ABCC11: variants seen among roughly 807,000 people sequenced by gnomAD.
ABCC11 encodes the protein ATP binding cassette subfamily C member 11.
Under a neutral mutation model 149.3 loss-of-function variants are expected in ABCC11, and 135 were observed. The ratio of observed to expected loss-of-function variants is 0.90; its 90% confidence interval spans 0.79 to 1.04. The LOEUF (loss-of-function observed/expected upper bound fraction) is 1.04, where lower values mean the gene tolerates loss of function less well. Among genes scored for constraint, ABCC11 ranks in the 50% least tolerant of loss-of-function variants. ABCC11 has a pLI of 0.00. For missense variants in ABCC11, 1,680 were observed against 1,722.1 expected (o/e 0.98, Z 0.43); for synonymous variants, 665 against 671.4 (o/e 0.99, Z 0.15).
intron 20 of ABCC11, among the ~76,000 whole-genome samples, chr16:48,190,317 G>C (rs1421208148): frequency 6.6e-6 from 1 of 152,056 alleles, no homozygotes; most frequent in Non-Finnish European, 1.5e-5. Flanking sequence ...AAGTGAGAGA[G>C]AGGAATGACA....
chr16:48,191,186 C>G (rs149341782), intron 20 of ABCC11, among the ~76,000 whole-genome samples: 1 of 152,110 alleles, frequency 6.6e-6, no homozygotes, highest in Non-Finnish European at 1.5e-5. Flanking sequence ...TAATAATGTA[C>G]CAATATTGAC....
Position 48,167,168 on chromosome 16 carries a change from A to C in ABCC11, c.*106T>G. 6.6e-6 allele frequency: 3 copies of C among 456,442 alleles called. No individual in the cohort carries two copies. Among genetic ancestry groups the C allele is most frequent in the East Asian group, 5.3e-5 (1 of 18,848 alleles). The allele number at this position is 456,442 out of a possible 1,614,324, so 28.3% of individuals were successfully genotyped here. On this transcript the variant is annotated 3_prime_UTR_variant, in exon 30 of 30. Coordinates refer to ENST00000356608, the MANE Select transcript of ABCC11 (RefSeq NM_001370497.1). ...CTACATTTACCCCTGCTTCCAGGAGAAGTTCTCATCTCCAAACAAGAAGGT... is the reference window on the plus strand; with the variant it reads ...CTACATTTACCCCTGCTTCCAGGAGCAGTTCTCATCTCCAAACAAGAAGGT...
Position 48,167,186 on chromosome 16 carries a change from A to C in ABCC11, c.*88T>G. On this transcript the variant is annotated 3_prime_UTR_variant, in exon 30 of 30. Transcript: ENST00000356608. ...CCAGGAGAAGTTCTCATCTCCAAAC[A>C]AGAAGGTCGCAGACTGTGGGCCTCG... The C allele has an allele frequency of 1.5e-6, 1 of 661,406 alleles. No homozygotes were observed. The highest frequency in any genetic ancestry group is 2.9e-6 in the Non-Finnish European group (1 of 350,266). 41.0% of individuals were successfully genotyped at this position (661,406 alleles called of 1,614,324 possible).
intron 14 of ABCC11, among the ~76,000 whole-genome samples, chr16:48,202,300 A>G (rs1168012260): frequency 6.6e-6 from 1 of 152,208 alleles, no homozygotes; most frequent in Non-Finnish European, 1.5e-5. Context: ...TCAAGGATTT[A>G]TAGTCCCAGC....
At chr16:48,169,607 T>C (rs1358235456) in intron 28 of ABCC11, among the ~76,000 whole-genome samples, 2 of 151,998 alleles carry the variant, frequency 1.3e-5, no homozygotes, top group Admixed American at 1.3e-4. Flanking sequence ...TGAGTTCATG[T>C]CCTTTGTAGG....
At chr16:48,187,612 T>C (rs1966826063) in intron 20 of ABCC11, among the ~76,000 whole-genome samples, 185 bp from the exon 21 acceptor site, 1 of 152,180 alleles carries the variant, frequency 6.6e-6, no homozygotes, top group Non-Finnish European at 1.5e-5. Context: ...CTCCACCTAC[T>C]GCTGTCTGAC....
At chr16:48,204,202 T>C (rs1419696520) in intron 13 of ABCC11, among the ~76,000 whole-genome samples, 1 of 152,194 alleles carries the variant, frequency 6.6e-6, no homozygotes, top group East Asian at 1.9e-4. Flanking sequence ...TTTTAACAGA[T>C]ATTGCAAAAT....
chr16:48,231,350 G>C (rs796443531), intron 2 of ABCC11, among the ~76,000 whole-genome samples: 36 of 152,178 alleles, frequency 2.4e-4, no homozygotes, highest in African/African-American at 8.4e-4. Context: ...TCTCATTGTG[G>C]AAGCCTGAGG....
chr16:48,216,078 G>A (rs1293254105), intron 7 of ABCC11, 36 bp downstream of exon 7: 1 of 1,601,686 alleles, frequency 6.2e-7, no homozygotes, highest in Non-Finnish European at 8.5e-7. Context: ...GACTTCTGGG[G>A]CCCAGCATCA....
chr16:48,197,146 G>A (rs1967498835), intron 17 of ABCC11, among the ~76,000 whole-genome samples: 1 of 152,154 alleles, frequency 6.6e-6, no homozygotes, highest in Admixed American at 6.5e-5. Context: ...GCAACATGGT[G>A]AAACCCAGTC....
intron 22 of ABCC11, 78 bp from the exon 23 acceptor site, chr16:48,184,704 G>T: frequency 7.0e-7 from 1 of 1,423,812 alleles, no homozygotes; most frequent in Non-Finnish European, 9.6e-7. Context: ...GATACCGGCT[G>T]CTTCCTCCAG....
rs149486194 is a variant in ABCC11 at position 48,231,873 on chromosome 16, C to T, written c.49G>A (p.Val17Met). The change falls in exon 2 of 30, where the codon GTG (valine) becomes ATG (methionine). Residue 17 changes from valine (V) to methionine (M), a missense_variant. Coordinates refer to ENST00000356608, the MANE Select transcript of ABCC11 (RefSeq NM_001370497.1). ...YWVPNSSGGLVNRGIDIGDDM... is the reference protein window; with the variant it reads ...YWVPNSSGGLMNRGIDIGDDM... Reference sequence around the variant, plus strand: ...TCGCCTATGTCGATGCCACGATTCACGAGGCCACCAGAAGAGTTGGGCACC... The same window carrying T: ...TCGCCTATGTCGATGCCACGATTCATGAGGCCACCAGAAGAGTTGGGCACC... The T allele has an allele frequency of 2.5e-5, 41 of 1,614,178 alleles. No homozygotes were observed. The highest frequency in any genetic ancestry group is 2.2e-4 in the East Asian group (10 of 44,872).
At chr16:48,178,559 G>T in intron 24 of ABCC11, 38 bp downstream of exon 24, 10 of 1,600,100 alleles carry the variant, frequency 6.2e-6, no homozygotes, top group African/African-American at 1.3e-5. Context: ...GCCCCAACTT[G>T]CATGGCTCCC....
chr16:48,244,452 G>C, intron 1 of ABCC11: 1 of 1,595,378 alleles, frequency 6.3e-7, no homozygotes, highest in Non-Finnish European at 8.5e-7. Context: ...CCACGAGGGC[G>C]TCCTGCTGCC....
intron 11 of ABCC11, chr16:48,210,160 G>A (rs913378696): frequency 6.6e-6 from 1 of 152,136 alleles, no homozygotes; most frequent in Non-Finnish European, 1.5e-5. Context: ...TGGGGAACTC[G>A]TCAAAGGGGG....
Position 48,201,022 on chromosome 16 carries a change from A to T in ABCC11, c.1879-543T>A, listed in dbSNP as rs144310680. On this transcript the variant is annotated intron_variant, in intron 14 of 29. Coordinates refer to ENST00000356608, the MANE Select transcript of ABCC11 (RefSeq NM_001370497.1). ...GTACAAATATTATGCATCAATAAAAATATTTTTCAAAACGTGGTTAGTAGG... is the reference window on the plus strand; with the variant it reads ...GTACAAATATTATGCATCAATAAAATTATTTTTCAAAACGTGGTTAGTAGG... Among the ~76,000 whole-genome samples the T allele has an allele frequency of 9.4e-3, 1,436 of 152,328 alleles. 14 individuals are homozygous for T. Among genetic ancestry groups the T allele is most frequent in the Middle Eastern group, 0.027 (8 of 294 alleles).
intron 11 of ABCC11, 66 bp from the exon 12 acceptor site, chr16:48,208,562 G>A: frequency 6.4e-7 from 1 of 1,572,932 alleles, no homozygotes; most frequent in South Asian, 1.1e-5. Context: ...CCTGCCCATG[G>A]CGGCTCAACT....
chr16:48,207,689 G>A (rs1968561157), intron 12 of ABCC11, among the ~76,000 whole-genome samples: 1 of 151,790 alleles, frequency 6.6e-6, no homozygotes, highest in South Asian at 2.1e-4. Context: ...GGAAGGGAAG[G>A]GAAGGAAAGG....
Position 48,197,998 on chromosome 16 carries a change from G to A in ABCC11, c.2287C>T (p.Leu763=). The part of the protein sequence containing the change: ...KVESQALATS[L]EESLNGNAVP... ...GCATTTCCGTTGAGAGACTCTTCCA[G>A]GGAGGTGGCCAGAGCCTGACTTTCT... The change falls in exon 17 of 30, where the codon CTG becomes TTG. Residue 763 remains leucine (L), a synonymous_variant. Transcript: ENST00000356608. 1 of 1,614,170 alleles carries A rather than the reference G, an allele frequency of 6.2e-7. No homozygotes were observed. The highest frequency in any genetic ancestry group is 8.5e-7 in the Non-Finnish European group (1 of 1,180,040).
Sources: allele counts gnomAD v4.1 joint callset (sites outside exome capture counted in the v4.1 genomes callset), GRCh38; gene constraint gnomAD v4.1.1; transcripts MANE v1.5; gene names NCBI Gene and HGNC (gene_info 2026-07-23, HGNC 2026-07-21).